The following CSMD3 variants were observed in gnomAD, a reference collection of about 807,000 sequenced individuals.
The protein encoded by CSMD3 is CUB and Sushi multiple domains 3, also known as CUB and sushi domain-containing protein 3.
In CSMD3, 177 loss-of-function variants were observed where a neutral mutation model predicts 435.2. That is an observed-to-expected ratio of 0.41 (90% confidence interval 0.36 to 0.46). CSMD3 has a LOEUF of 0.46. CSMD3 is among the 20% of genes least tolerant of loss of function. CSMD3 has a pLI of 0.34. For missense variants in CSMD3, 4,265 were observed against 4,504.6 expected (o/e 0.95, Z 1.52); for synonymous variants, 1,656 against 1,520.5 (o/e 1.09, Z -2.07).
intron 6 of CSMD3, among the ~76,000 whole-genome samples, chr8:112,990,498 G>A: frequency 6.6e-6 from 1 of 151,706 alleles, no homozygotes. Context: ...TGGTCTTGGG[G>A]GTCAAATTAA....
At chr8:112,775,976 T>G (rs534822025) in intron 13 of CSMD3, among the ~76,000 whole-genome samples, 1 of 151,966 alleles carries the variant, frequency 6.6e-6, no homozygotes, top group East Asian at 1.9e-4. Context: ...GACAGCACAT[T>G]TACAACTTCT....
At chr8:112,329,162 G>T (rs1283016822) in intron 45 of CSMD3, among the ~76,000 whole-genome samples, 1 of 152,084 alleles carries the variant, frequency 6.6e-6, no homozygotes, top group Non-Finnish European at 1.5e-5. Context: ...ATGTGCCAAA[G>T]ACCTCTTCTC....
At chr8:112,401,311 G>A (rs1037092689) in intron 35 of CSMD3, among the ~76,000 whole-genome samples, 91 of 151,352 alleles carry the variant, frequency 6.0e-4, no homozygotes, top group African/African-American at 4.6e-4. Context: ...ACTTCTCTTC[G>A]CTTGCTATTT....
chr8:113,220,628 A>G (rs888872917), intron 3 of CSMD3, among the ~76,000 whole-genome samples: 2 of 151,488 alleles, frequency 1.3e-5, no homozygotes, highest in African/African-American at 4.8e-5. Context: ...TGATGTGGTA[A>G]TAAATCTATA....
chr8:112,733,507 A>T (rs955188787), intron 13 of CSMD3, among the ~76,000 whole-genome samples: 1 of 152,060 alleles, frequency 6.6e-6, no homozygotes, highest in Non-Finnish European at 1.5e-5. Context: ...GAAAATAAGT[A>T]TAAAGCTTAA....
chr8:112,967,169 A>G (rs1218150848), intron 7 of CSMD3, among the ~76,000 whole-genome samples: 1 of 93,490 alleles, frequency 1.1e-5, no homozygotes, highest in African/African-American at 5.4e-5. Flanking sequence ...TATAAGACCT[A>G]TACTCCAAGA....
intron 53 of CSMD3, among the ~76,000 whole-genome samples, chr8:112,297,489 C>T (rs1400153208): frequency 6.6e-6 from 1 of 151,846 alleles, no homozygotes; most frequent in African/African-American, 2.4e-5. Context: ...GTAATTATTT[C>T]AATCTATGCA....
intron 6 of CSMD3, 53 bp from the exon 7 acceptor site, chr8:112,976,201 A>C: frequency 6.3e-7 from 1 of 1,579,728 alleles, no homozygotes. Context: ...AATTTTGTTT[A>C]TTTTTTCTGA....
Position 112,550,891 on chromosome 8 carries a change from T to G in CSMD3, c.4362-18A>C, listed in dbSNP as rs1225458943. The G allele has an allele frequency of 2.6e-6, 4 of 1,565,992 alleles. No individual in the cohort carries two copies. Among genetic ancestry groups the G allele is most frequent in the Non-Finnish European group, 3.5e-6 (4 of 1,136,766 alleles). On this transcript the variant is annotated intron_variant, in intron 26 of 70. Coordinates refer to ENST00000297405, the MANE Select transcript of CSMD3 (RefSeq NM_198123.2). ...ACTGCAAGCTGTGGGAGAACCATAT[T>G]TCTCTGATTATTTTAAACAAGGATT...
intron 11 of CSMD3, among the ~76,000 whole-genome samples, chr8:112,855,296 T>A (rs778004613): frequency 6.6e-6 from 1 of 152,148 alleles, no homozygotes; most frequent in African/African-American, 2.4e-5. Context: ...TACATTGACA[T>A]CTATTATTTA....
chr8:113,188,690 G>A (rs1049048916), intron 3 of CSMD3, among the ~76,000 whole-genome samples: 2 of 151,950 alleles, frequency 1.3e-5, no homozygotes, highest in Admixed American at 1.3e-4. Context: ...TGTTGCAGCT[G>A]ACCTTAACAT....
At chr8:113,118,001 GA>G (rs2090886477) in intron 4 of CSMD3, among the ~76,000 whole-genome samples, 1 of 152,146 alleles carries the variant, frequency 6.6e-6, no homozygotes, top group Non-Finnish European at 1.5e-5. Context: ...TTAGACCTTG[GA>G]ATCGGACTTT....
intron 24 of CSMD3, among the ~76,000 whole-genome samples, chr8:112,568,490 G>C (rs1829244237): frequency 1.3e-5 from 2 of 151,360 alleles, no homozygotes; most frequent in South Asian, 4.2e-4. Context: ...AGCTACTTAA[G>C]AGGCTGAGGC....
chr8:112,734,043 C>G (rs1035352772), intron 13 of CSMD3, among the ~76,000 whole-genome samples: 1 of 151,724 alleles, frequency 6.6e-6, no homozygotes, highest in Non-Finnish European at 1.5e-5. Flanking sequence ...ATTACCAAAT[C>G]CCTGGAAGGA....
At chr8:112,446,067 C>A in intron 32 of CSMD3, among the ~76,000 whole-genome samples, 1 of 152,082 alleles carries the variant, frequency 6.6e-6, no homozygotes, top group South Asian at 2.1e-4. Flanking sequence ...ATATTTTATT[C>A]TTGAGTCAAC....
intron 2 of CSMD3, among the ~76,000 whole-genome samples, chr8:113,302,306 A>ATC (rs1639259837): frequency 7.5e-6 from 1 of 134,220 alleles, no homozygotes; most frequent in African/African-American, 2.9e-5. Context: ...TATAATATAT[A>ATC]TATTATATAT....
intron 1 of CSMD3, among the ~76,000 whole-genome samples, chr8:113,396,852 ATTAC>A (rs2094485821): frequency 6.6e-6 from 1 of 152,094 alleles, no homozygotes; most frequent in South Asian, 2.1e-4. Context: ...TTATTTATTT[ATTAC>A]TTATTTATTT....
At chr8:113,005,001 CAA>C (rs1410086169) in intron 6 of CSMD3, among the ~76,000 whole-genome samples, 13 of 151,508 alleles carry the variant, frequency 8.6e-5, no homozygotes, top group African/African-American at 2.7e-4. Flanking sequence ...TACCAAATCT[CAA>C]GAGACATATA....
In CSMD3 at chr8:113,147,647, C is replaced by A. The variant is rs73342286; in HGVS notation, c.709+26075G>T. Among the ~76,000 whole-genome samples the A allele has an allele frequency of 3.8e-3, 576 of 151,734 alleles. 4 individuals carry two copies. Among genetic ancestry groups the A allele is most frequent in the African/African-American group, 0.013 (539 of 41,472 alleles). On this transcript the variant is annotated intron_variant, in intron 4 of 70. Coordinates refer to ENST00000297405, the MANE Select transcript of CSMD3 (RefSeq NM_198123.2). Reference sequence around the variant, plus strand: ...CAGCTCAAGATCAATATAACTTACTCTTTTTGGTGTGAGTAGGTGTGTGGA... The same window carrying A: ...CAGCTCAAGATCAATATAACTTACTATTTTTGGTGTGAGTAGGTGTGTGGA...
Sources: gnomAD v4.1 joint callset for allele counts (sites outside exome capture counted in the v4.1 genomes callset) on GRCh38, gnomAD v4.1.1 for gene constraint, MANE v1.5 for transcripts, NCBI Gene and HGNC (gene_info 2026-07-23, HGNC 2026-07-21) for gene names.